Variants in EXPH5 observed in about 807,000 individuals in gnomAD.
The protein encoded by EXPH5 is exophilin 5.
EXPH5 carries 42 observed loss-of-function variants against 41.1 expected under a neutral mutation model. That is an observed-to-expected ratio of 1.02 (90% confidence interval 0.80 to 1.32). The LOEUF (loss-of-function observed/expected upper bound fraction) is 1.32, where lower values mean the gene tolerates loss of function less well. EXPH5 is among the 40% of genes most tolerant of loss of function. The pLI, the probability that EXPH5 is intolerant of heterozygous loss-of-function variation, is 0.00. For synonymous variants in EXPH5, 798 were observed against 833.5 expected (o/e 0.96, Z 0.73); for missense variants, 2,298 against 2,314.5 (o/e 0.99, Z 0.15).
Position 108,511,458 on chromosome 11 carries a change from A to G in EXPH5, c.4049T>C (p.Val1350Ala). The G allele has an allele frequency of 6.3e-7, 1 of 1,581,744 alleles. No individual in the cohort carries two copies. Among genetic ancestry groups the G allele is most frequent in the Non-Finnish European group, 8.6e-7 (1 of 1,169,092 alleles). The part of the protein sequence containing the change: ...LAPTLQEMAS[V>A]EAAVSLPEEE... ...TTCAGGAAGAGAAACAGCTGCCTCA[A>G]CAGAAGCCATTTCCTGTAATGTAGG... The change falls in exon 6 of 6, where the codon GTT becomes GCT. Residue 1350 changes from valine (V) to alanine (A), a missense_variant. Coordinates refer to ENST00000265843, the MANE Select transcript of EXPH5 (RefSeq NM_015065.3).
At chr11:108,585,559 A>G (rs2094110665) in intron 1 of EXPH5, among the ~76,000 whole-genome samples, 1 of 152,236 alleles carries the variant, frequency 6.6e-6, no homozygotes, top group Non-Finnish European at 1.5e-5. Context: ...AGGGTCTAGA[A>G]CTATAAGCAA....
chr11:108,588,537 C>A (rs997636308), intron 1 of EXPH5, among the ~76,000 whole-genome samples: 2 of 152,130 alleles, frequency 1.3e-5, no homozygotes, highest in African/African-American at 4.8e-5. Flanking sequence ...TGTCACTTAC[C>A]CTTTCTAAGC....
rs776981010 is a variant in EXPH5, at chr11:108,514,374, G to A, written c.1133C>T (p.Ser378Phe). The change falls in exon 6 of 6, where the codon TCC becomes TTC. Residue 378 changes from serine (S) to phenylalanine (F), a missense_variant. Coordinates refer to ENST00000265843, the MANE Select transcript of EXPH5 (RefSeq NM_015065.3). ...TTCCTGGTTCTCCCTGTCTCTAGAG[G>A]AATCTGATCTGTTCCATATGATGGA... is the stretch of plus-strand genomic sequence containing the variant. Reference protein sequence around the residue: ...LSSIIWNRSDSSRDRENQEEF... With the variant: ...LSSIIWNRSDFSRDRENQEEF... 1.2e-6 allele frequency: 2 copies of A among 1,613,908 alleles called. No homozygotes were observed. The highest frequency in any genetic ancestry group is 4.5e-5 in the East Asian group (2 of 44,894).
intron 1 of EXPH5, among the ~76,000 whole-genome samples, chr11:108,555,856 C>A (rs566744059): frequency 6.6e-6 from 1 of 152,246 alleles, no homozygotes; most frequent in East Asian, 1.9e-4. Flanking sequence ...CCCAGCCATG[C>A]GTAACTGTGA....
chr11:108,594,521 G>T (rs953006534), upstream of EXPH5, among the ~76,000 whole-genome samples: 2 of 152,072 alleles, frequency 1.3e-5, no homozygotes, highest in African/African-American at 4.8e-5. Flanking sequence ...AGCTTTCCTA[G>T]AAAGTCAATT....
rs554295405 is a variant in EXPH5, at chr11:108,583,941, A to G, written c.119+9477T>C. ...CAGAAAAATCTGCCCCCCTCAAAAA[A>G]GAACATCCTAGAGCCAATAAGTAAG... On this transcript the variant is annotated intron_variant, in intron 1 of 5. Coordinates refer to ENST00000265843, the MANE Select transcript of EXPH5 (RefSeq NM_015065.3). 9.8e-5 allele frequency among the ~76,000 whole-genome samples: 15 copies of G among 152,326 alleles called. 1 individual carries two copies. The South Asian group carries it at 2.7e-3, about 27-fold the overall frequency.
Position 108,509,893 on chromosome 11 carries a change from T to C in EXPH5, c.5614A>G (p.Thr1872Ala), listed in dbSNP as rs143096226. 3.9e-3 allele frequency: 6,284 copies of C among 1,607,842 alleles called. 58 individuals carry two copies. Among genetic ancestry groups the C allele is most frequent in the Non-Finnish European group, 3.1e-3 (3,668 of 1,177,832 alleles). ...ATAGATATTGCAGACCTGGGACCTG[T>C]TTTTGTCCCGCTGCGATAAGCCCAA... ...ESWAYRSGTKTGPRSAISIYR... is the reference protein window; with the variant it reads ...ESWAYRSGTKAGPRSAISIYR... The change falls in exon 6 of 6, where the codon ACA (threonine) becomes GCA (alanine). Residue 1872 changes from threonine (T) to alanine (A), a missense_variant. Transcript: ENST00000265843.
chr11:108,602,803 C>A, the EXPH5 span, among the ~76,000 whole-genome samples: 1 of 152,156 alleles, frequency 6.6e-6, no homozygotes. Context: ...AAATACTATG[C>A]AAATCATATA....
intron 4 of EXPH5, among the ~76,000 whole-genome samples, chr11:108,520,049 C>T (rs1292099540): frequency 6.6e-6 from 1 of 151,858 alleles, no homozygotes; most frequent in East Asian, 1.9e-4. Flanking sequence ...GTCCCTGACC[C>T]CTGGGCCACA....
rs2093655777 is a variant in EXPH5, at chr11:108,508,378, G to GCGCCTGGGTT, written c.*1158_*1159insAACCCAGGCG. 2 of 152,606 alleles carry GCGCCTGGGTT rather than the reference G, an allele frequency of 1.3e-5. No individual in the cohort carries two copies. The allele number at this position is 152,606 out of a possible 1,614,324, so 9.5% of individuals were successfully genotyped here. ...TGGGCGTGGCAGCGTGCGCCTGGGT[G>GCGCCTGGGTT]CGCCTGTGATCCCAGCTACTCTGGA... On this transcript the variant is annotated 3_prime_UTR_variant, in exon 6 of 6. Transcript: ENST00000265843.
At chr11:108,531,007 A>G (rs2093834121) in intron 3 of EXPH5, among the ~76,000 whole-genome samples, 1 of 152,322 alleles carries the variant, frequency 6.6e-6, no homozygotes, top group South Asian at 2.1e-4. Context: ...CAACAGTGGT[A>G]TCATGAAAAC....
At chr11:108,541,598 T>A (rs374051780) in intron 2 of EXPH5, 54 bp downstream of exon 2, 3 of 1,278,146 alleles carry the variant, frequency 2.3e-6, no homozygotes, top group Non-Finnish European at 3.3e-6. Flanking sequence ...TTATCTACAA[T>A]ACTATGCCAC....
At chr11:108,577,981 C>A (rs752126811) in intron 1 of EXPH5, among the ~76,000 whole-genome samples, 3 of 152,070 alleles carry the variant, frequency 2.0e-5, no homozygotes, top group Non-Finnish European at 4.4e-5. Flanking sequence ...TTCTCTCATT[C>A]TGTAGGTTGT....
intron 1 of EXPH5, among the ~76,000 whole-genome samples, chr11:108,556,002 G>A (rs1390158090): frequency 1.3e-5 from 2 of 152,168 alleles, no homozygotes; most frequent in Non-Finnish European, 2.9e-5. Context: ...GCTCCATACA[G>A]GAGCAAGAGC....
chr11:108,521,569 G>A (rs1030439945), intron 4 of EXPH5, among the ~76,000 whole-genome samples: 1 of 151,928 alleles, frequency 6.6e-6, no homozygotes, highest in African/African-American at 2.4e-5. Flanking sequence ...AACTATAATG[G>A]GATACTGATT....
intron 4 of EXPH5, among the ~76,000 whole-genome samples, chr11:108,521,436 C>G (rs896203410): frequency 6.6e-6 from 1 of 152,178 alleles, no homozygotes; most frequent in Non-Finnish European, 1.5e-5. Context: ...CCACAATTGA[C>G]TACTCACAAA....
At chr11:108,549,708 G>A (rs1333104870) in intron 1 of EXPH5, among the ~76,000 whole-genome samples, 1 of 152,194 alleles carries the variant, frequency 6.6e-6, no homozygotes, top group African/African-American at 2.4e-5. Flanking sequence ...TATCAGGTAG[G>A]AGACAGAGCC....
chr11:108,547,031 G>A (rs919912897), intron 1 of EXPH5, among the ~76,000 whole-genome samples: 1 of 152,006 alleles, frequency 6.6e-6, no homozygotes, highest in Non-Finnish European at 1.5e-5. Context: ...TTGAACTCCT[G>A]ACCTCGTGAT....
At chr11:108,542,396 G>A (rs1424998490) in intron 1 of EXPH5, among the ~76,000 whole-genome samples, 1 of 151,512 alleles carries the variant, frequency 6.6e-6, no homozygotes, top group Admixed American at 6.6e-5. Context: ...GTTTTTGCCA[G>A]TAGTTAAAAT....
Sources: gnomAD v4.1 joint callset for allele counts (sites outside exome capture counted in the v4.1 genomes callset) on GRCh38, gnomAD v4.1.1 for gene constraint, MANE v1.5 for transcripts, NCBI Gene and HGNC (gene_info 2026-07-23, HGNC 2026-07-21) for gene names.